The following CSMD1 variants were observed in gnomAD, a reference collection of about 807,000 sequenced individuals.
The protein encoded by CSMD1 is CUB and sushi domain-containing protein 1.
A neutral mutation model predicts 417.5 loss-of-function variants in CSMD1; 213 were observed. The ratio of observed to expected loss-of-function variants is 0.51; its 90% CI spans 0.46 to 0.57. The LOEUF (loss-of-function observed/expected upper bound fraction) is 0.57. Among genes scored for constraint, CSMD1 ranks in the 20% least tolerant of loss-of-function variants. The pLI is 0.00. For missense variants in CSMD1, 6,923 were observed against 4,529.7 expected (o/e 1.53, Z -15.17); for synonymous variants, 2,862 against 1,736.8 (o/e 1.65, Z -16.11).
chr8:3,928,136 A>C (rs1809877939), intron 5 of CSMD1, among the ~76,000 whole-genome samples: 1 of 152,206 alleles, frequency 6.6e-6, no homozygotes, highest in African/African-American at 2.4e-5. Flanking sequence ...CTATAGATTT[A>C]ATTGCCTGTT....
intron 1 of CSMD1, among the ~76,000 whole-genome samples, chr8:4,954,592 T>C (rs1056274297): frequency 5.3e-5 from 8 of 152,242 alleles, no homozygotes; most frequent in African/African-American, 1.9e-4. Context: ...AGAACTTTTA[T>C]ACTTTCTAAA....
intron 2 of CSMD1, among the ~76,000 whole-genome samples, chr8:4,429,377 A>G (rs1358804270): frequency 5.3e-5 from 8 of 152,080 alleles, no homozygotes. Context: ...ACACACACAC[A>G]TCTACATATA....
chr8:3,733,503 C>T (rs912961933), intron 6 of CSMD1, among the ~76,000 whole-genome samples: 9 of 151,774 alleles, frequency 5.9e-5, no homozygotes, highest in Non-Finnish European at 8.8e-5. Context: ...CACGGTCAAC[C>T]GCGTTCTGAA....
chr8:3,482,769 T>C (rs1016464019), intron 11 of CSMD1, among the ~76,000 whole-genome samples: 4 of 152,212 alleles, frequency 2.6e-5, no homozygotes, highest in African/African-American at 4.8e-5. Flanking sequence ...ACTGAAATCA[T>C]AGAGAATTTG....
At chr8:2,997,007 G>C (rs1306929491) in intron 54 of CSMD1, among the ~76,000 whole-genome samples, 1 of 152,194 alleles carries the variant, frequency 6.6e-6, no homozygotes, top group Non-Finnish European at 1.5e-5. Flanking sequence ...TCTTAAGCTG[G>C]GGTGGTTCCC....
chr8:3,126,727 G>T (rs1005309326), intron 41 of CSMD1, among the ~76,000 whole-genome samples: 3 of 152,142 alleles, frequency 2.0e-5, no homozygotes, highest in Non-Finnish European at 4.4e-5. Flanking sequence ...TGCTCCATTT[G>T]TTCTCTTAGC....
At chr8:4,314,364 A>G (rs1288516233) in intron 3 of CSMD1, among the ~76,000 whole-genome samples, 1 of 152,198 alleles carries the variant, frequency 6.6e-6, no homozygotes, top group Admixed American at 6.5e-5. Flanking sequence ...AACATTTCCT[A>G]CATATTTCTG....
At position 3,006,250 on chromosome 8, in the gene CSMD1, C is replaced by A. The variant is rs13256940; in HGVS notation, c.8030-6119G>T. ...GGACCTCTTCAAGGAGAACTACAAA[C>A]CACTGCTCAAGGAAATAAAAGAGGA... On this transcript the variant is annotated intron_variant, in intron 52 of 69. Coordinates refer to ENST00000635120, the MANE Select transcript of CSMD1 (RefSeq NM_033225.6). Among the ~76,000 whole-genome samples the A allele has an allele frequency of 3.8e-3, 570 of 151,294 alleles. 2 individuals carry two copies. The highest frequency in any genetic ancestry group is 6.3e-3 in the Non-Finnish European group (427 of 67,888).
At chr8:4,369,056 C>G (rs962719303) in intron 3 of CSMD1, among the ~76,000 whole-genome samples, 1 of 152,062 alleles carries the variant, frequency 6.6e-6, no homozygotes, top group Non-Finnish European at 1.5e-5. Flanking sequence ...AATTTAAGAT[C>G]TTTTTGACTT....
At chr8:3,461,948 T>G (rs1351075357) in intron 12 of CSMD1, among the ~76,000 whole-genome samples, 1 of 152,178 alleles carries the variant, frequency 6.6e-6, no homozygotes, top group Non-Finnish European at 1.5e-5. Context: ...GATCCTCACA[T>G]GGGCCGGACA....
intron 1 of CSMD1, among the ~76,000 whole-genome samples, chr8:4,859,665 A>G (rs1351475385): frequency 3.3e-5 from 5 of 152,134 alleles, no homozygotes; most frequent in Admixed American, 6.5e-5. Context: ...AAAAATGCTC[A>G]TCATCCCTGG....
At chr8:3,034,835 G>A (rs1810569806) in intron 50 of CSMD1, among the ~76,000 whole-genome samples, 1 of 152,120 alleles carries the variant, frequency 6.6e-6, no homozygotes, top group East Asian at 1.9e-4. Context: ...GAAATATAGA[G>A]GATGGTAGAA....
chr8:3,008,000 A>G (rs535805887), intron 52 of CSMD1, among the ~76,000 whole-genome samples: 1 of 152,326 alleles, frequency 6.6e-6, no homozygotes, highest in East Asian at 1.9e-4. Flanking sequence ...TTTGCTTAAA[A>G]TGTCTCAAAT....
At chr8:3,859,915 C>G (rs1340536359) in intron 5 of CSMD1, among the ~76,000 whole-genome samples, 2 of 152,138 alleles carry the variant, frequency 1.3e-5, no homozygotes, top group African/African-American at 4.8e-5. Context: ...CTGTAATAAG[C>G]TATAACCATG....
intron 1 of CSMD1, among the ~76,000 whole-genome samples, chr8:4,662,779 T>C (rs1804679977): frequency 6.6e-6 from 1 of 152,186 alleles, no homozygotes; most frequent in South Asian, 2.1e-4. Flanking sequence ...ACATTCCTTT[T>C]CCACCAGGGA....
intron 3 of CSMD1, among the ~76,000 whole-genome samples, chr8:4,198,191 A>G (rs184579468): frequency 6.6e-6 from 1 of 152,338 alleles, no homozygotes; most frequent in East Asian, 1.9e-4. Flanking sequence ...CATTCCAAGC[A>G]GAGAGTCCAA....
intron 3 of CSMD1, among the ~76,000 whole-genome samples, chr8:4,152,647 G>A (rs1176131891): frequency 6.6e-6 from 1 of 151,878 alleles, no homozygotes; most frequent in Non-Finnish European, 1.5e-5. Context: ...TCACGATTGT[G>A]CCAGCGCACC....
chr8:3,233,696 C>T (rs1798984248), intron 26 of CSMD1, among the ~76,000 whole-genome samples: 1 of 151,950 alleles, frequency 6.6e-6, no homozygotes, highest in Admixed American at 6.6e-5. Flanking sequence ...GATAAGAATT[C>T]CAATTTCTCA....
At chr8:3,434,303 C>G (rs1160992248) in intron 12 of CSMD1, among the ~76,000 whole-genome samples, 1 of 152,164 alleles carries the variant, frequency 6.6e-6, no homozygotes, top group South Asian at 2.1e-4. Flanking sequence ...TAATGCAAAA[C>G]TCATCTAATT....
Sources: allele counts gnomAD v4.1 joint callset (sites outside exome capture counted in the v4.1 genomes callset), GRCh38; gene constraint gnomAD v4.1.1; transcripts MANE v1.5; gene names NCBI Gene and HGNC (gene_info 2026-07-23, HGNC 2026-07-21).